The following UNC5D variants were observed in gnomAD, a reference collection of about 807,000 sequenced individuals.
UNC5D encodes the protein netrin receptor UNC5D.
UNC5D carries 39 observed loss-of-function variants against 105.4 expected under a neutral mutation model. That is an observed-to-expected ratio of 0.37 (90% CI 0.29 to 0.48). UNC5D has a LOEUF of 0.48. UNC5D is among the 20% of genes least tolerant of loss of function. UNC5D has a pLI of 0.98. For missense variants in UNC5D, 991 were observed against 1,202.4 expected, an observed-to-expected ratio of 0.82 and a Z score of 2.60; for synonymous variants, 452 against 450.4, an observed-to-expected ratio of 1.00 and a Z score of -0.04.
intron 1 of UNC5D, among the ~76,000 whole-genome samples, chr8:35,370,306 A>T (rs1345076888): frequency 6.6e-6 from 1 of 152,216 alleles, no homozygotes; most frequent in Non-Finnish European, 1.5e-5. Context: ...TAAAGAAAAA[A>T]TATAGTTTGT....
At chr8:35,586,911 T>G (rs1238522472) in intron 3 of UNC5D, among the ~76,000 whole-genome samples, 1 of 152,210 alleles carries the variant, frequency 6.6e-6, no homozygotes, top group Non-Finnish European at 1.5e-5. Context: ...TGAATTTTTA[T>G]TGATTTTCTT....
At chr8:35,537,788 A>C (rs2130605147) in intron 1 of UNC5D, among the ~76,000 whole-genome samples, 1 of 151,634 alleles carries the variant, frequency 6.6e-6, no homozygotes, top group Admixed American at 6.6e-5. Flanking sequence ...TTAAAAAGAT[A>C]TCTGCTAATG....
chr8:35,642,021 A>G (rs1822781674), intron 4 of UNC5D, among the ~76,000 whole-genome samples: 1 of 152,148 alleles, frequency 6.6e-6, no homozygotes, highest in South Asian at 2.1e-4. Flanking sequence ...CTTAAAGAGC[A>G]TTGCCATTAG....
At chr8:35,562,005 A>T (rs1817001079) in intron 2 of UNC5D, among the ~76,000 whole-genome samples, 1 of 152,170 alleles carries the variant, frequency 6.6e-6, no homozygotes, top group African/African-American at 2.4e-5. Context: ...TTTATTACCC[A>T]TTCTTCAACC....
At chr8:35,712,035 G>T (rs1041927464) in intron 8 of UNC5D, among the ~76,000 whole-genome samples, 2 of 152,190 alleles carry the variant, frequency 1.3e-5, no homozygotes, top group African/African-American at 2.4e-5. Flanking sequence ...CACTTTGGGA[G>T]GCCAAGGTGG....
chr8:35,262,124 G>A (rs1804539440), intron 1 of UNC5D, among the ~76,000 whole-genome samples: 1 of 151,832 alleles, frequency 6.6e-6, no homozygotes, highest in African/African-American at 2.4e-5. Flanking sequence ...CAGTCATATG[G>A]GGTTCCTTGC....
intron 4 of UNC5D, among the ~76,000 whole-genome samples, chr8:35,649,846 A>G (rs949901590): frequency 3.9e-5 from 6 of 152,188 alleles, no homozygotes; most frequent in African/African-American, 1.4e-4. Flanking sequence ...ATACTTAGAA[A>G]CAGACATAAA....
chr8:35,650,924 T>C (rs1340533100), intron 4 of UNC5D, among the ~76,000 whole-genome samples: 1 of 152,234 alleles, frequency 6.6e-6, no homozygotes, highest in East Asian at 1.9e-4. Flanking sequence ...ATGTCTCATC[T>C]GTCCCATTAA....
chr8:35,760,858 A>C (rs1801497438), intron 14 of UNC5D, among the ~76,000 whole-genome samples: 3 of 151,950 alleles, frequency 2.0e-5, no homozygotes, highest in African/African-American at 7.3e-5. Context: ...CCTTGATTGC[A>C]TCATGATGGT....
At chr8:35,631,700 T>C (rs1200968227) in intron 4 of UNC5D, among the ~76,000 whole-genome samples, 1 of 152,134 alleles carries the variant, frequency 6.6e-6, no homozygotes, top group African/African-American at 2.4e-5. Context: ...TGCAATACAT[T>C]TTGCTCCCTG....
chr8:35,651,036 A>G (rs932249871), intron 4 of UNC5D, among the ~76,000 whole-genome samples: 2 of 152,180 alleles, frequency 1.3e-5, no homozygotes, highest in Non-Finnish European at 2.9e-5. Flanking sequence ...ATCAGAGATG[A>G]TGGGATATTC....
intron 4 of UNC5D, among the ~76,000 whole-genome samples, chr8:35,649,388 G>C (rs2131172201): frequency 6.6e-6 from 1 of 152,282 alleles, no homozygotes; most frequent in East Asian, 1.9e-4. Flanking sequence ...CAGCACACTG[G>C]ACTGTGAGAT....
At chr8:35,416,599 T>C (rs1342450280) in intron 1 of UNC5D, among the ~76,000 whole-genome samples, 1 of 152,222 alleles carries the variant, frequency 6.6e-6, no homozygotes, top group East Asian at 1.9e-4. Flanking sequence ...GTGGCCTTCC[T>C]GTTTTTCACT....
At chr8:35,426,515 G>A (rs1806259625) in intron 1 of UNC5D, among the ~76,000 whole-genome samples, 1 of 152,126 alleles carries the variant, frequency 6.6e-6, no homozygotes, top group African/African-American at 2.4e-5. Flanking sequence ...AGGTATCTTT[G>A]CTCTGCTAAA....
At chr8:35,760,136 C>T (rs1035628717) in intron 14 of UNC5D, among the ~76,000 whole-genome samples, 25 of 151,324 alleles carry the variant, frequency 1.7e-4, no homozygotes, top group Admixed American at 1.4e-3. Flanking sequence ...CTCCGCCTCC[C>T]GAGTTCAAGC....
chr8:35,559,973 C>A (rs536419923), intron 2 of UNC5D, among the ~76,000 whole-genome samples: 3 of 152,088 alleles, frequency 2.0e-5, no homozygotes, highest in Non-Finnish European at 4.4e-5. Context: ...ATGTTTAGTA[C>A]ATGCAGAGCA....
At chr8:35,337,393 A>G (rs1409172938) in intron 1 of UNC5D, among the ~76,000 whole-genome samples, 5 of 152,340 alleles carry the variant, frequency 3.3e-5, no homozygotes, top group Admixed American at 2.6e-4. Flanking sequence ...GCTTTTAAAC[A>G]AAGTGGGTTT....
chr8:35,320,490 G>A (rs1809656139), intron 1 of UNC5D, among the ~76,000 whole-genome samples: 1 of 152,098 alleles, frequency 6.6e-6, no homozygotes, highest in African/African-American at 2.4e-5. Context: ...AAAGGAAGGG[G>A]ATCTCTACAG....
intron 1 of UNC5D, among the ~76,000 whole-genome samples, chr8:35,347,014 C>CT (rs1326242057): frequency 6.6e-6 from 1 of 151,940 alleles, no homozygotes; most frequent in Non-Finnish European, 1.5e-5. Flanking sequence ...AACCATTATT[C>CT]TTTAGTATAG....
Sources: gnomAD v4.1 joint callset for allele counts (sites outside exome capture counted in the v4.1 genomes callset) on GRCh38, gnomAD v4.1.1 for gene constraint, MANE v1.5 for transcripts, NCBI Gene and HGNC (gene_info 2026-07-23, HGNC 2026-07-21) for gene names.